Variants in HSPA4 observed in about 807,000 individuals in gnomAD.
The protein encoded by HSPA4 is heat shock protein family A (Hsp70) member 4, also known as heat shock 70 kDa protein 4.
In HSPA4, 25 loss-of-function variants were observed where a neutral mutation model predicts 106.2. The ratio of observed to expected loss-of-function variants is 0.24; its 90% confidence interval spans 0.17 to 0.33. The LOEUF (loss-of-function observed/expected upper bound fraction) is 0.33, where lower values mean the gene tolerates loss of function less well. Ranked by LOEUF, HSPA4 falls within the 10% of genes least tolerant of loss-of-function variation. The probability of loss-of-function intolerance (pLI) is 1.00; values close to 1 mark genes in which losing one functional copy is unlikely to be tolerated. For synonymous variants in HSPA4, 332 were observed against 333.6 expected, an observed-to-expected ratio of 1.00 and a Z score of 0.05; for missense variants, 841 against 996.0, an observed-to-expected ratio of 0.84 and a Z score of 2.10.
chr5:133,099,602 G>A lies in HSPA4; in HGVS notation c.1987G>A (p.Gly663Arg). ...EDTENWLYED[G>R]EDQPKQVYVD... Reference sequence around the variant, plus strand: ...TACTGAAAATTGGTTGTATGAGGATGGAGAAGACCAGCCAAAGCAAGTTTA... The same window carrying A: ...TACTGAAAATTGGTTGTATGAGGATAGAGAAGACCAGCCAAAGCAAGTTTA... The change falls in exon 16 of 19, where the codon GGA (glycine) becomes AGA (arginine). Residue 663 changes from glycine to arginine, a missense_variant. Gly to Arg is a moderately radical substitution (Grantham distance 125, BLOSUM62 -2). Around this residue, in one of 5 missense-constraint regions of HSPA4, gnomAD observed 328 missense variants for 372.2 expected, o/e 0.88. Coordinates refer to ENST00000304858, the MANE Select transcript of HSPA4 (RefSeq NM_002154.4). 4.4e-6 allele frequency: 7 copies of A among 1,606,884 alleles called. No homozygotes were observed. The highest frequency in any genetic ancestry group is 6.0e-6 in the Non-Finnish European group (7 of 1,174,302).
intron 9 of HSPA4, among the ~76,000 whole-genome samples, 162 bp from the exon 10 acceptor site, chr5:133,088,893 C>T (rs985349478): frequency 2.0e-5 from 3 of 152,108 alleles, no homozygotes; most frequent in African/African-American, 7.2e-5. Context: ...AGGTAATTGA[C>T]ATGATAGAAG....
intron 6 of HSPA4, 111 bp from the exon 7 acceptor site, chr5:133,076,543 A>G: frequency 1.1e-6 from 1 of 943,222 alleles, no homozygotes; most frequent in Non-Finnish European, 1.6e-6. Context: ...TTTAACCTTA[A>G]TGTAACCCTC....
chr5:133,079,609 T>C (rs1240158610), intron 7 of HSPA4, among the ~76,000 whole-genome samples: 1 of 152,192 alleles, frequency 6.6e-6, no homozygotes, highest in African/African-American at 2.4e-5. Flanking sequence ...AACAAGTACT[T>C]GTTTTCAGGT....
At chr5:133,073,958 C>T (rs62375234) in intron 5 of HSPA4, 35 bp from the exon 6 acceptor site, 358,682 of 1,446,926 alleles carry the variant, frequency 0.25, 45,683 homozygotes, top group African/African-American at 0.29. Flanking sequence ...TTTACTTAGA[C>T]GTTATTTTTA....
chr5:133,065,453 G>A (rs1377850375), intron 2 of HSPA4, among the ~76,000 whole-genome samples: 1 of 152,138 alleles, frequency 6.6e-6, no homozygotes, highest in Non-Finnish European at 1.5e-5. Flanking sequence ...GTGGATTTTG[G>A]TCTAATTCAA....
intron 15 of HSPA4, among the ~76,000 whole-genome samples, chr5:133,097,840 C>T (rs981476560): frequency 8.6e-5 from 13 of 151,716 alleles, no homozygotes; most frequent in South Asian, 2.1e-4. Flanking sequence ...TGAGCCACTG[C>T]GCCCAGCCTG....
chr5:133,081,125 T>G lies in HSPA4; in HGVS notation c.908+4227T>G, dbSNP rs2126706595. On this transcript the variant is annotated intron_variant, in intron 7 of 18. Transcript: ENST00000304858. ...TGCAGTGGTATGATCTTGGCTTGCT[T>G]CAACCTCCACCTCCCGGGTTTAAAT... Among the ~76,000 whole-genome samples, 3 of 152,154 alleles carry G rather than the reference T, an allele frequency of 2.0e-5. No homozygotes were observed. In the South Asian group the frequency reaches 6.2e-4, roughly 32 times the overall value.
rs776075344 is a variant in HSPA4, at chr5:133,101,814, T to C, written c.2093T>C (p.Leu698Ser). ...CAGGAATCTGAAGAACGACCAAAATTATTTGAAGAACTAGGGAAACAGATC... is the reference window on the plus strand; with the variant it reads ...CAGGAATCTGAAGAACGACCAAAATCATTTGAAGAACTAGGGAAACAGATC... ...RFQESEERPK[L>S]FEELGKQIQQ... Residue 698 changes from leucine (L) to serine (S), a missense_variant, in exon 17 of 19, where the codon TTA (leucine) becomes TCA (serine). Leu to Ser is a moderately radical substitution (Grantham distance 145). Around this residue, in one of 5 missense-constraint regions of HSPA4, gnomAD observed 328 missense variants for 372.2 expected, o/e 0.88. Coordinates refer to ENST00000304858, the MANE Select transcript of HSPA4 (RefSeq NM_002154.4). 9 of 1,606,502 alleles carry C rather than the reference T, an allele frequency of 5.6e-6. No individual in the cohort carries two copies. The South Asian group carries it at 1.0e-4, about 18-fold the overall frequency.
At chr5:133,097,115 A>G (rs747023621) in intron 14 of HSPA4, 46 bp from the exon 15 acceptor site, 2 of 1,499,702 alleles carry the variant, frequency 1.3e-6, no homozygotes, top group Non-Finnish European at 1.8e-6. Context: ...TTTAAGAGGA[A>G]ATTAGTTGTC....
At chr5:133,068,221 A>G (rs1012501405) in intron 3 of HSPA4, among the ~76,000 whole-genome samples, 2 of 152,174 alleles carry the variant, frequency 1.3e-5, no homozygotes, top group Non-Finnish European at 2.9e-5. Context: ...ACTAGCAGAT[A>G]GATGGACATA....
In HSPA4 at chr5:133,088,428, C is replaced by T; in HGVS notation, c.1010C>T (p.Ala337Val). ...GAGTTAAAGAAAGAAGATATTTATG[C>T]AGTGGAGATAGTTGGTGGTGCTACA... Reference protein sequence around the residue: ...QTKLKKEDIYAVEIVGGATRI... With the variant: ...QTKLKKEDIYVVEIVGGATRI... The change falls in exon 9 of 19, where the codon GCA (alanine) becomes GTA (valine). Residue 337 changes from alanine (A) to valine (V), a missense_variant. By Grantham distance (64) the Ala-to-Val change is moderately conservative (BLOSUM62 0). This residue lies in a region of HSPA4 where 347 missense variants were observed against 408.7 expected (regional missense o/e 0.85). Coordinates refer to ENST00000304858, the MANE Select transcript of HSPA4 (RefSeq NM_002154.4). 1.2e-6 allele frequency: 2 copies of T among 1,609,966 alleles called. No homozygotes were observed. Among genetic ancestry groups the T allele is most frequent in the East Asian group, 2.2e-5 (1 of 44,854 alleles).
chr5:133,101,613 T>C, intron 16 of HSPA4, 146 bp from the exon 17 acceptor site: 1 of 695,014 alleles, frequency 1.4e-6, no homozygotes, highest in Non-Finnish European at 2.4e-6. Flanking sequence ...CTGAAGTAGC[T>C]TCATATTTCC....
intron 1 of HSPA4, among the ~76,000 whole-genome samples, chr5:133,059,829 A>G (rs1383902844): frequency 1.3e-5 from 2 of 152,200 alleles, no homozygotes; most frequent in African/African-American, 4.8e-5. Flanking sequence ...TGTAATGAGA[A>G]CTATGAAACA....
intron 7 of HSPA4, among the ~76,000 whole-genome samples, chr5:133,081,279 C>T (rs1765512016): frequency 6.6e-6 from 1 of 152,170 alleles, no homozygotes; most frequent in African/African-American, 2.4e-5. Flanking sequence ...AACTGCTGAC[C>T]TCGAGTCATC....
intron 9 of HSPA4, 25 bp from the exon 10 acceptor site, chr5:133,089,030 G>T: frequency 7.2e-7 from 1 of 1,384,150 alleles, no homozygotes. Context: ...TTGTTAAACG[G>T]AATTTTTGAA....
intron 1 of HSPA4, among the ~76,000 whole-genome samples, chr5:133,054,579 A>G (rs1423183205): frequency 6.6e-6 from 1 of 152,168 alleles, no homozygotes; most frequent in Non-Finnish European, 1.5e-5. Context: ...TAGTCACAAA[A>G]CAGTGCAACC....
At position 133,096,068 on chromosome 5, in the gene HSPA4, G is replaced by A. The variant is rs374226209; in HGVS notation, c.1651-30G>A. 1.3e-5 allele frequency: 21 copies of A among 1,603,056 alleles called. No homozygotes were observed. The African/African-American group carries it at 2.8e-4, about 22-fold the overall frequency. On this transcript the variant is annotated intron_variant, in intron 13 of 18. Transcript: ENST00000304858. ...GAAGTTTAAGGTAGTCTGTATATGTGTTTGTTCTTAATGATTTCTATTGTT... is the reference window on the plus strand; with the variant it reads ...GAAGTTTAAGGTAGTCTGTATATGTATTTGTTCTTAATGATTTCTATTGTT...
intron 2 of HSPA4, 73 bp downstream of exon 2, chr5:133,065,110 C>A: frequency 1.6e-6 from 2 of 1,252,690 alleles, no homozygotes; most frequent in Non-Finnish European, 1.2e-6. Context: ...TAGTTGAATG[C>A]CCATTATGTG....
chr5:133,059,169 T>C (rs1319198308), intron 1 of HSPA4, among the ~76,000 whole-genome samples: 4 of 143,752 alleles, frequency 2.8e-5, no homozygotes, highest in African/African-American at 1.0e-4. Flanking sequence ...TAAAAGAGGC[T>C]GGGTGTGGTG....
Sources: allele counts gnomAD v4.1 joint callset (sites outside exome capture counted in the v4.1 genomes callset), GRCh38; gene constraint gnomAD v4.1.1; regional missense constraint gnomAD v4.1.1; transcripts MANE v1.5; gene names NCBI Gene and HGNC (gene_info 2026-07-23, HGNC 2026-07-21).